IRF2: variants seen among roughly 807,000 people sequenced by gnomAD.
IRF2 encodes the protein interferon regulatory factor 2.
IRF2 carries 15 observed loss-of-function variants against 40.6 expected under a neutral mutation model. The ratio of observed to expected loss-of-function variants is 0.37; its 90% confidence interval spans 0.25 to 0.57. The LOEUF (loss-of-function observed/expected upper bound fraction) is 0.57, where lower values mean the gene tolerates loss of function less well. Among genes scored for constraint, IRF2 ranks in the 20% least tolerant of loss-of-function variants. The pLI is 0.77. For synonymous variants in IRF2, 151 were observed against 165.5 expected (o/e 0.91, Z 0.67); for missense variants, 317 against 455.7 (o/e 0.70, Z 2.77).
chr4:184,469,058 A>T (rs1381315106), intron 1 of IRF2, among the ~76,000 whole-genome samples: 1 of 152,222 alleles, frequency 6.6e-6, no homozygotes, highest in East Asian at 1.9e-4. Context: ...AAACAAATGA[A>T]ATAATAACAC....
chr4:184,430,582 C>A (rs760326292), intron 1 of IRF2, among the ~76,000 whole-genome samples: 6 of 152,214 alleles, frequency 3.9e-5, no homozygotes, highest in Non-Finnish European at 8.8e-5. Flanking sequence ...TGCTTTAGGG[C>A]AGTTGTTTTA....
intron 1 of IRF2, among the ~76,000 whole-genome samples, chr4:184,432,973 C>T (rs712033): frequency 0.91 from 138,530 of 152,216 alleles, 63,147 homozygotes; most frequent in East Asian, 1. Context: ...CCTGAGCAAC[C>T]AACAGAGAAG....
chr4:184,443,118 G>T (rs967904776), intron 1 of IRF2, among the ~76,000 whole-genome samples: 3 of 152,128 alleles, frequency 2.0e-5, no homozygotes, highest in Non-Finnish European at 4.4e-5. Flanking sequence ...TAGAGATGGG[G>T]TTTCACCATG....
At chr4:184,440,950 G>A (rs555355960) in intron 1 of IRF2, among the ~76,000 whole-genome samples, 4 of 152,206 alleles carry the variant, frequency 2.6e-5, no homozygotes, top group East Asian at 1.9e-4. Context: ...CTAGCTGTGC[G>A]AGGCTGGAGC....
At chr4:184,394,597 A>G (rs1736378072) in intron 7 of IRF2, among the ~76,000 whole-genome samples, 1 of 152,208 alleles carries the variant, frequency 6.6e-6, no homozygotes, top group South Asian at 2.1e-4. Context: ...CGAAGGATTC[A>G]AAGCCTTTAC....
intron 1 of IRF2, among the ~76,000 whole-genome samples, chr4:184,464,543 A>G (rs1739256424): frequency 6.6e-6 from 1 of 152,228 alleles, no homozygotes; most frequent in Admixed American, 6.5e-5. Flanking sequence ...TTCCCCTACA[A>G]ACATTTTATA....
chr4:184,457,030 C>A (rs1467659160), intron 1 of IRF2, among the ~76,000 whole-genome samples: 1 of 152,250 alleles, frequency 6.6e-6, no homozygotes, highest in Non-Finnish European at 1.5e-5. Flanking sequence ...TCTCCCCAAA[C>A]ACTCTGTAGC....
At chr4:184,422,866 G>A (rs1233716122) in intron 2 of IRF2, among the ~76,000 whole-genome samples, 1 of 152,194 alleles carries the variant, frequency 6.6e-6, no homozygotes, top group East Asian at 1.9e-4. Context: ...GGGATAAAAA[G>A]TTCTGGAACT....
rs757496723 is a variant in IRF2 at position 184,408,496 on chromosome 4, A to T, written c.412-221T>A. Among the ~76,000 whole-genome samples, 1 of 152,190 alleles carries T rather than the reference A, an allele frequency of 6.6e-6. No homozygotes were observed. The highest frequency in any genetic ancestry group is 2.4e-5 in the African/African-American group (1 of 41,454). ...CAGCTCCTTCCATTTTCCTTCAAGG[A>T]AACGGTACCGGCCCATCTGGCTTGC... On this transcript the variant is annotated intron_variant, in intron 5 of 8. Transcript: ENST00000393593. This position sits in a 1 kb window ranked among gnomAD's most constrained non-coding sequence, Gnocchi z 4.9.
intron 1 of IRF2, among the ~76,000 whole-genome samples, chr4:184,450,371 C>T (rs1031959718): frequency 7.2e-5 from 11 of 152,108 alleles, no homozygotes; most frequent in Admixed American, 2.0e-4. Flanking sequence ...ATTGTTATCA[C>T]GCTACACGAA....
rs1035119464 is a variant in IRF2 at position 184,413,615 on chromosome 4, T to C, written c.411+4552A>G. 1.3e-5 allele frequency among the ~76,000 whole-genome samples: 2 copies of C among 152,240 alleles called. No homozygotes were observed. Among genetic ancestry groups the C allele is most frequent in the African/African-American group, 2.4e-5 (1 of 41,460 alleles). ...GCAGCCGAACCCCTATCTGCTTTTC[T>C]GTAACTTCTACCCATAGGTCTGTGC... On this transcript the variant is annotated intron_variant, in intron 5 of 8. Transcript: ENST00000393593. This position sits in a 1 kb window ranked among gnomAD's most constrained non-coding sequence, Gnocchi z 4.2.
At chr4:184,399,973 T>C (rs1040124172) in intron 6 of IRF2, among the ~76,000 whole-genome samples, 4 of 152,240 alleles carry the variant, frequency 2.6e-5, no homozygotes, top group African/African-American at 7.2e-5. Flanking sequence ...GCTACAAAGC[T>C]AGAATACAAT....
chr4:184,417,685 T>G (rs6812407), intron 5 of IRF2, among the ~76,000 whole-genome samples: 111,801 of 152,092 alleles, frequency 0.74, 41,383 homozygotes, highest in Non-Finnish European at 0.78. Context: ...TGAGAGCTGT[T>G]CTGATAGAGT....
intron 1 of IRF2, among the ~76,000 whole-genome samples, chr4:184,434,846 C>T (rs1190147822): frequency 1.3e-5 from 2 of 152,168 alleles, no homozygotes; most frequent in African/African-American, 2.4e-5. Flanking sequence ...GTAAGAGCAA[C>T]GGTTACCATT....
intron 6 of IRF2, among the ~76,000 whole-genome samples, chr4:184,401,035 A>T (rs1189097296): frequency 8.5e-5 from 13 of 152,216 alleles, no homozygotes; most frequent in Admixed American, 8.5e-4. Context: ...AGATGAAGAA[A>T]CTCAGGCACA....
intron 1 of IRF2, among the ~76,000 whole-genome samples, chr4:184,452,317 C>G (rs1242624963): frequency 6.6e-6 from 1 of 152,104 alleles, no homozygotes; most frequent in Non-Finnish European, 1.5e-5. Context: ...TAGGCTTCGG[C>G]CCAGGAAAAG....
At chr4:184,416,824 T>A (rs1737294497) in intron 5 of IRF2, among the ~76,000 whole-genome samples, 1 of 152,094 alleles carries the variant, frequency 6.6e-6, no homozygotes, top group African/African-American at 2.4e-5. Flanking sequence ...GGTGGGCGAA[T>A]CACTTAAGGT....
intron 1 of IRF2, among the ~76,000 whole-genome samples, chr4:184,464,536 C>A (rs929888793): frequency 1.3e-5 from 2 of 152,124 alleles, no homozygotes; most frequent in African/African-American, 4.8e-5. Flanking sequence ...CTCTCACTTC[C>A]CCTACAAACA....
intron 1 of IRF2, among the ~76,000 whole-genome samples, chr4:184,437,607 C>G (rs1450017253): frequency 1.3e-5 from 2 of 152,168 alleles, no homozygotes; most frequent in Non-Finnish European, 2.9e-5. Context: ...TCACCCACGC[C>G]TCTAGATGAG....
Sources: gnomAD v4.1 joint callset for allele counts (sites outside exome capture counted in the v4.1 genomes callset) on GRCh38, gnomAD v4.1.1 for gene constraint, Gnocchi (gnomAD v3.1) non-coding constraint, MANE v1.5 for transcripts, NCBI Gene and HGNC (gene_info 2026-07-23, HGNC 2026-07-21) for gene names.